The following THUMPD3 variants were observed in gnomAD, a reference collection of about 807,000 sequenced individuals.
THUMPD3 encodes THUMP domain 3 tRNA guanosine methyltransferase.
A neutral mutation model predicts 54.5 loss-of-function variants in THUMPD3; 44 were observed. That is an observed-to-expected ratio of 0.81 (90% CI 0.63 to 1.04). The LOEUF is 1.04. THUMPD3 is among the 50% of genes least tolerant of loss of function. THUMPD3 has a pLI of 0.00. For missense variants in THUMPD3, 604 were observed against 601.3 expected (o/e 1.00, Z -0.05); for synonymous variants, 196 against 201.4 (o/e 0.97, Z 0.23).
intron 3 of THUMPD3, among the ~76,000 whole-genome samples, chr3:9,370,757 T>C (rs1357135678): frequency 6.6e-6 from 1 of 152,210 alleles, no homozygotes; most frequent in African/African-American, 2.4e-5. Context: ...AGACTTTTTT[T>C]CTTGTCATTA....
rs878881431 is a variant in THUMPD3, at chr3:9,384,414, T to A, written c.1359+79T>A. ...TGAGATTTGGGGATGTTTGTTTGGA[T>A]AAGATTTGTTTTCTCTTCCCCTGAG... On this transcript the variant is annotated intron_variant, in intron 9 of 9. Transcript: ENST00000452837. The A allele has an allele frequency of 6.3e-6, 10 of 1,596,174 alleles. No homozygotes were observed. The South Asian group carries it at 7.9e-5, about 13-fold the overall frequency.
chr3:9,380,501 A>T lies in THUMPD3; in HGVS notation c.1009-2A>T. The T allele has an allele frequency of 6.3e-7, 1 of 1,591,644 alleles. No homozygotes were observed. ...GTTTTAACATACACTCTTATCTTTT[A>T]GGGGGCCACTGAATGGTCTGACTGT... On this transcript the variant is annotated splice_acceptor_variant, in intron 6 of 9. Coordinates refer to ENST00000452837, the MANE Select transcript of THUMPD3 (RefSeq NM_001114092.2). LOFTEE classifies it high-confidence loss of function.
chr3:9,373,960 A>C (rs898240079), intron 4 of THUMPD3, among the ~76,000 whole-genome samples: 1 of 152,200 alleles, frequency 6.6e-6, no homozygotes, highest in Admixed American at 6.5e-5. Flanking sequence ...AAGTACACAA[A>C]TCTTAAGTTT....
At chr3:9,368,879 A>G (rs2031788391) in intron 3 of THUMPD3, among the ~76,000 whole-genome samples, 1 of 152,218 alleles carries the variant, frequency 6.6e-6, no homozygotes, top group African/African-American at 2.4e-5. Context: ...TTTACGAATA[A>G]ATGTATTTTA....
In THUMPD3 at chr3:9,367,239, C is replaced by G. The variant is rs572727519; in HGVS notation, c.330+254C>G. ...TTGTTTTACTTGTAAGAGATATAAA[C>G]CTTAGATTTGCTTTGCTTTTACATA... On this transcript the variant is annotated intron_variant, in intron 3 of 9. Transcript: ENST00000452837. Among the ~76,000 whole-genome samples the G allele has an allele frequency of 3.9e-5, 6 of 152,284 alleles. No individual in the cohort carries two copies. In the South Asian group the frequency reaches 1.2e-3, roughly 32 times the overall value.
intron 8 of THUMPD3, 71 bp downstream of exon 8, chr3:9,383,380 A>C: frequency 8.1e-7 from 1 of 1,236,332 alleles, no homozygotes; most frequent in Non-Finnish European, 1.2e-6. Context: ...CTAAGTCAGG[A>C]AAAAAATCTT....
rs559076136 is a variant in THUMPD3, at chr3:9,377,715, C to T, written c.939-104C>T. ...AAATATGTGTAGATTGGTGTTCCTTCGGGCTAGTGTGGTAGGTCCTCAATC... is the reference window on the plus strand; with the variant it reads ...AAATATGTGTAGATTGGTGTTCCTTTGGGCTAGTGTGGTAGGTCCTCAATC... On this transcript the variant is annotated intron_variant, in intron 5 of 9. Transcript: ENST00000452837. 113 of 830,312 alleles carry T rather than the reference C, an allele frequency of 1.4e-4. No homozygotes were observed. In the African/African-American group the frequency reaches 1.7e-3, roughly 12 times the overall value. The allele number at this position is 830,312 out of a possible 1,614,324, so 51.4% of individuals were successfully genotyped here.
chr3:9,383,125 C>T (rs2125334624), intron 7 of THUMPD3, 74 bp from the exon 8 acceptor site: 1 of 1,022,544 alleles, frequency 9.8e-7, no homozygotes, highest in Non-Finnish European at 1.5e-6. Flanking sequence ...AGCAGTCTCT[C>T]TTCAGAAACA....
Position 9,365,258 on chromosome 3 carries a change from T to A in THUMPD3, c.190T>A (p.Cys64Ser). 6.2e-7 allele frequency: 1 copy of A among 1,614,206 alleles called. No individual in the cohort carries two copies. The highest frequency in any genetic ancestry group is 8.5e-7 in the Non-Finnish European group (1 of 1,180,046). ...AGTCAGAGAGAAACTTGGGTCATCA[T>A]GCAAAATCAGCAGAGACCGTGGCAA... is the stretch of plus-strand genomic sequence containing the variant. ...DEVREKLGSS[C>S]KISRDRGKIY... Residue 64 changes from cysteine (C) to serine (S), a missense_variant, in exon 2 of 10, where the codon TGC becomes AGC. By Grantham distance (112) the Cys-to-Ser change is moderately radical. Transcript: ENST00000452837.
intron 6 of THUMPD3, among the ~76,000 whole-genome samples, chr3:9,379,374 A>C (rs1486126359): frequency 6.6e-6 from 1 of 152,144 alleles, no homozygotes; most frequent in Non-Finnish European, 1.5e-5. Context: ...TATCACCCTC[A>C]AGTGTCTGGG....
At chr3:9,374,928 A>G (rs1228982372) in intron 5 of THUMPD3, among the ~76,000 whole-genome samples, 1 of 152,150 alleles carries the variant, frequency 6.6e-6, no homozygotes, top group Admixed American at 6.5e-5. Context: ...GCGAGATCTC[A>G]GCTCACTGTA....
chr3:9,371,362 G>T lies in THUMPD3; in HGVS notation c.633G>T (p.Glu211Asp). Residue 211 changes from glutamate to aspartate, a missense_variant, in exon 4 of 10, where the codon GAG becomes GAT. Glu to Asp is a conservative substitution (Grantham distance 45, BLOSUM62 2). Transcript: ENST00000452837. ...ATGATTTGGCATCTTGCAAAGATGA[G>T]ACTGATGAAAGCTCAAAAGAAGAAA... ...IGDDLASCKD[E>D]TDESSKEETE... 2.5e-6 allele frequency: 4 copies of T among 1,614,170 alleles called. No homozygotes were observed. Among genetic ancestry groups the T allele is most frequent in the Non-Finnish European group, 3.4e-6 (4 of 1,180,024 alleles).
rs919011513 is a variant in THUMPD3 at position 9,366,981 on chromosome 3, C to A, written c.326C>A (p.Thr109Lys). ...TTTCAAGATTACCAGTTCAAACAAACAAAGGTGAGCTATCCTAAACATGGT... is the reference window on the plus strand; with the variant it reads ...TTTCAAGATTACCAGTTCAAACAAAAAAAGGTGAGCTATCCTAAACATGGT... ...QEFQDYQFKQ[T>K]KEEVLKDFED... The change falls in exon 3 of 10, where the codon ACA becomes AAA. Residue 109 changes from threonine to lysine, a missense_variant. Coordinates refer to ENST00000452837, the MANE Select transcript of THUMPD3 (RefSeq NM_001114092.2). 1.2e-6 allele frequency: 2 copies of A among 1,612,196 alleles called. No individual in the cohort carries two copies. The highest frequency in any genetic ancestry group is 2.7e-5 in the African/African-American group (2 of 74,792).
Position 9,380,617 on chromosome 3 carries a change from G to C in THUMPD3, c.1123G>C (p.Gly375Arg). 5 of 1,601,530 alleles carry C rather than the reference G, an allele frequency of 3.1e-6. No individual in the cohort carries two copies. The highest frequency in any genetic ancestry group is 4.3e-6 in the Non-Finnish European group (5 of 1,170,908). Reference protein sequence around the residue: ...SLLTKSQIKEGKPSWGLPIDA... With the variant: ...SLLTKSQIKERKPSWGLPIDA... ...ATTGACCAAGAGCCAAATTAAAGAA[G>C]GGTAAAAATTTAAAAGATTTCTTAG... Residue 375 changes from glycine (G) to arginine (R), a missense_variant and splice_region_variant, in exon 7 of 10, where the codon GGC (glycine) becomes CGC (arginine). Gly to Arg is a moderately radical substitution (Grantham distance 125). Transcript: ENST00000452837.
In THUMPD3 at chr3:9,371,340, A is replaced by T; in HGVS notation, c.611A>T (p.Asp204Val). ...KEDVSTLIGD[D>V]LASCKDETDE... is the part of the protein sequence containing the mutation. ...GATGTATCAACATTAATAGGTGATG[A>T]TTTGGCATCTTGCAAAGATGAGACT... is the stretch of plus-strand genomic sequence containing the variant. The change falls in exon 4 of 10, where the codon GAT (aspartate) becomes GTT (valine). Residue 204 changes from aspartate to valine, a missense_variant. Transcript: ENST00000452837. The T allele has an allele frequency of 6.2e-7, 1 of 1,614,162 alleles. No individual in the cohort carries two copies. Among genetic ancestry groups the T allele is most frequent in the Non-Finnish European group, 8.5e-7 (1 of 1,180,028 alleles).
rs1399745258 is a variant in THUMPD3 at position 9,371,130 on chromosome 3, A to C, written c.401A>C (p.Lys134Thr). The C allele has an allele frequency of 6.2e-7, 1 of 1,608,618 alleles. No homozygotes were observed. The highest frequency in any genetic ancestry group is 8.5e-7 in the Non-Finnish European group (1 of 1,178,812). ...TGGTCAAACCCCTTAAAAGTGTGGAAAATTAATGCCAGTTTTAAAAAGAAA... is the reference window on the plus strand; with the variant it reads ...TGGTCAAACCCCTTAAAAGTGTGGACAATTAATGCCAGTTTTAAAAAGAAA... ...LPWSNPLKVW[K>T]INASFKKKKA... is the part of the protein sequence containing the mutation. Residue 134 changes from lysine (K) to threonine (T), a missense_variant, in exon 4 of 10, where the codon AAA (lysine) becomes ACA (threonine). Physicochemically the swap from Lys to Thr is moderately conservative, Grantham distance 78 (BLOSUM62 -1). Transcript: ENST00000452837.
intron 2 of THUMPD3, among the ~76,000 whole-genome samples, chr3:9,366,071 T>C (rs1313777014): frequency 2.0e-5 from 3 of 152,210 alleles, no homozygotes; most frequent in Non-Finnish European, 4.4e-5. Flanking sequence ...CCAGAAAGAA[T>C]ACTGTTCAAC....
chr3:9,366,001 C>A (rs2031533911), intron 2 of THUMPD3, among the ~76,000 whole-genome samples: 1 of 151,778 alleles, frequency 6.6e-6, no homozygotes, highest in Non-Finnish European at 1.5e-5. Context: ...GGCTGCTCAA[C>A]CTGTAGTAGG....
intron 8 of THUMPD3, 113 bp from the exon 9 acceptor site, chr3:9,384,099 A>G (rs1443922836): frequency 1.6e-6 from 2 of 1,227,934 alleles, no homozygotes; most frequent in Non-Finnish European, 2.3e-6. Context: ...TCTGGTTTCT[A>G]AAACTACAGC....
Sources: gnomAD v4.1 joint callset for allele counts (sites outside exome capture counted in the v4.1 genomes callset) on GRCh38, gnomAD v4.1.1 for gene constraint, MANE v1.5 for transcripts, NCBI Gene and HGNC (gene_info 2026-07-23, HGNC 2026-07-21) for gene names.